Variants in TENM1 observed in about 807,000 individuals in gnomAD.
TENM1 encodes the protein teneurin-1.
TENM1 carries 35 observed loss-of-function variants against 174.8 expected under a neutral mutation model. That is an observed-to-expected ratio of 0.20 (90% CI 0.15 to 0.27). TENM1 has a LOEUF of 0.27. TENM1 is among the 10% of genes least tolerant of loss of function. The pLI, the probability that TENM1 is intolerant of heterozygous loss-of-function variation, is 1.00. For synonymous variants in TENM1, 781 were observed against 798.7 expected (o/e 0.98, Z 0.37); for missense variants, 1,633 against 2,130.1 (o/e 0.77, Z 4.59).
intron 3 of TENM1, among the ~76,000 whole-genome samples, chrX:124,800,770 G>A (rs1296827764): frequency 1.8e-5 from 2 of 111,571 alleles, no homozygotes; most frequent in African/African-American, 6.5e-5. Context: ...CACTGCTTTA[G>A]CTGTGTCCCA....
At chrX:124,915,392 G>A (rs980171026) in intron 1 of TENM1, among the ~76,000 whole-genome samples, 1 of 111,573 alleles carries the variant, frequency 9.0e-6, no homozygotes, top group South Asian at 3.8e-4. Context: ...AGGCATAGTG[G>A]TGCATGCCCG....
At chrX:124,644,808 T>C (rs764738664) in intron 10 of TENM1, among the ~76,000 whole-genome samples, 1 of 112,110 alleles carries the variant, frequency 8.9e-6, no homozygotes, top group Non-Finnish European at 1.9e-5. Flanking sequence ...TGTAGCATAA[T>C]GCATTCTGTA....
intron 11 of TENM1, among the ~76,000 whole-genome samples, chrX:124,606,919 T>A (rs1395212496): frequency 9.1e-6 from 1 of 109,886 alleles, no homozygotes; most frequent in East Asian, 2.9e-4. Context: ...AGTAAGTTAA[T>A]GGATATGATG....
rs759354029 is a variant in TENM1 at position 124,539,073 on chromosome X, C to T, written c.2651+7801G>A. Among the ~76,000 whole-genome samples the T allele has an allele frequency of 1.9e-4, 21 of 111,287 alleles. No homozygotes were observed. The East Asian group carries it at 5.4e-3, about 29-fold the overall frequency. On this transcript the variant is annotated intron_variant, in intron 15 of 31. Transcript: ENST00000422452. ...GAGGGCAGGCACCTCATCCATTTAT[C>T]GGTAAAACCCAGTAACCAATATGCA...
chrX:125,048,530 T>C, the TENM1 span, among the ~76,000 whole-genome samples: 1 of 111,312 alleles, frequency 9.0e-6, no homozygotes, highest in African/African-American at 3.3e-5. Context: ...CAAATGGCTA[T>C]AGGTGGCAGT....
chrX:125,129,855 A>G, the TENM1 span, among the ~76,000 whole-genome samples: 957 of 111,482 alleles, frequency 8.6e-3, 8 homozygotes, highest in Non-Finnish European at 0.012. Flanking sequence ...GTTAATGGAC[A>G]CTTAGGTTGC....
chrX:124,477,749 C>CAAAAA (rs58693858), intron 22 of TENM1, among the ~76,000 whole-genome samples: 4 of 45,182 alleles, frequency 8.9e-5, no homozygotes, highest in Admixed American at 2.9e-4. Flanking sequence ...GACTTCGTCT[C>CAAAAA]AAAAAAAAAA....
intron 3 of TENM1, among the ~76,000 whole-genome samples, chrX:124,804,784 G>C (rs60356742): frequency 0.049 from 5,508 of 111,528 alleles, 218 homozygotes; most frequent in African/African-American, 0.13. Flanking sequence ...ATTCTATTTC[G>C]AGATATAGAC....
At chrX:125,130,349 CA>C in the TENM1 span, among the ~76,000 whole-genome samples, 24 of 110,669 alleles carry the variant, frequency 2.2e-4, no homozygotes, top group Non-Finnish European at 3.2e-4. Context: ...CTACTCAAAA[CA>C]GAAGTAAAAA....
intron 11 of TENM1, among the ~76,000 whole-genome samples, chrX:124,623,645 GA>G (rs1173293999): frequency 9.0e-6 from 1 of 111,029 alleles, no homozygotes; most frequent in African/African-American, 3.3e-5. Context: ...AATTTGCAGG[GA>G]AAAAATAGCT....
At chrX:124,521,656 A>G (rs1356692893) in intron 17 of TENM1, among the ~76,000 whole-genome samples, 1 of 112,408 alleles carries the variant, frequency 8.9e-6, no homozygotes, top group African/African-American at 3.2e-5. Flanking sequence ...TCATCTTTCA[A>G]AAGACCTCTG....
chrX:124,386,321 C>G (rs945494146), intron 28 of TENM1, among the ~76,000 whole-genome samples: 1 of 111,187 alleles, frequency 9.0e-6, no homozygotes, highest in Non-Finnish European at 1.9e-5. Flanking sequence ...AGGGGAGTTA[C>G]AGAGTGCTTC....
At chrX:125,059,117 G>A in the TENM1 span, among the ~76,000 whole-genome samples, 2 of 109,312 alleles carry the variant, frequency 1.8e-5, no homozygotes, top group African/African-American at 6.7e-5. Context: ...TCATTTTTAT[G>A]GATGAAAAAG....
chrX:124,592,185 T>C lies in TENM1; in HGVS notation c.2078-26625A>G, dbSNP rs964343413. Among the ~76,000 whole-genome samples the C allele has an allele frequency of 7.1e-5, 8 of 111,899 alleles. No individual in the cohort carries two copies. In the Admixed American group the frequency reaches 7.6e-4, roughly 11 times the overall value. On this transcript the variant is annotated intron_variant, in intron 11 of 31. Transcript: ENST00000422452. ...TTGATTTTCAACCTTGTCTTGGATC[T>C]CATTGAGCTTCTTTGTAATTGTGCT...
chrX:125,179,189 A>G, the TENM1 span, among the ~76,000 whole-genome samples: 3 of 111,798 alleles, frequency 2.7e-5, no homozygotes, highest in Admixed American at 9.5e-5. Context: ...ACCCCCTCCC[A>G]GAGTTGTACT....
chrX:124,476,537 C>T (rs1184829015), intron 22 of TENM1, among the ~76,000 whole-genome samples: 1 of 111,787 alleles, frequency 8.9e-6, no homozygotes, highest in Non-Finnish European at 1.9e-5. Context: ...GTTCTGGCGT[C>T]AGTTTGCCTG....
chrX:124,538,201 A>G (rs911794220), intron 15 of TENM1, among the ~76,000 whole-genome samples: 6 of 112,100 alleles, frequency 5.4e-5, no homozygotes, highest in Non-Finnish European at 9.4e-5. Flanking sequence ...ATTAGACAGT[A>G]TAGTCTGAAA....
chrX:124,912,053 G>A (rs148011089), intron 1 of TENM1, among the ~76,000 whole-genome samples: 263 of 111,538 alleles, frequency 2.4e-3, no homozygotes, highest in Middle Eastern at 0.018. Context: ...ATATTCTAGC[G>A]GAAATAAATT....
intron 14 of TENM1, among the ~76,000 whole-genome samples, chrX:124,552,976 T>G (rs1368201505): frequency 9.0e-6 from 1 of 111,418 alleles, no homozygotes. Flanking sequence ...ATCTTAATTT[T>G]TTTAATTTTA....
Sources: gnomAD v4.1 joint callset for allele counts (sites outside exome capture counted in the v4.1 genomes callset) on GRCh38, gnomAD v4.1.1 for gene constraint, MANE v1.5 for transcripts, NCBI Gene and HGNC (gene_info 2026-07-23, HGNC 2026-07-21) for gene names.